The following NLRP4 variants were observed in gnomAD, a reference collection of about 807,000 sequenced individuals.
NLRP4 encodes NLR family pyrin domain containing 4.
NLRP4 carries 44 observed loss-of-function variants against 84.7 expected under a neutral mutation model. That is an observed-to-expected ratio of 0.52 (90% CI 0.41 to 0.67). The LOEUF (loss-of-function observed/expected upper bound fraction) is 0.67, where lower values mean the gene tolerates loss of function less well. Ranked by LOEUF, NLRP4 falls within the 30% of genes least tolerant of loss-of-function variation. NLRP4 has a pLI of 0.00. For missense variants in NLRP4, 1,260 were observed against 1,219.4 expected, an observed-to-expected ratio of 1.03 and a Z score of -0.50; for synonymous variants, 544 against 476.4, an observed-to-expected ratio of 1.14 and a Z score of -1.85.
intron 7 of NLRP4, among the ~76,000 whole-genome samples, chr19:55,871,470 G>A (rs6509967): frequency 0.06 from 9,200 of 152,254 alleles, 644 homozygotes; most frequent in African/African-American, 0.17. Context: ...GAGCCAGAAA[G>A]GAGATGGTGA....
chr19:55,858,872 A>G lies in NLRP4; in HGVS notation c.1479A>G (p.Arg493=), dbSNP rs1314015771. Reference sequence around the variant, plus strand: ...TTGCCAATTTTGAAAAAGCAAGGAGAGCACATTGGATTTTTTTGGGGTGTT... The same window carrying G: ...TTGCCAATTTTGAAAAAGCAAGGAGGGCACATTGGATTTTTTTGGGGTGTT... ...LLVANFEKAR[R]AHWIFLGCFL... Residue 493 remains arginine, a synonymous_variant, in exon 3 of 10, where the codon AGA becomes AGG. Transcript: ENST00000301295. The surrounding 1 kb of genome is among the most constrained non-coding windows in gnomAD (Gnocchi z 4.2). 3.1e-6 allele frequency: 5 copies of G among 1,614,044 alleles called. 1 individual carries two copies. Among genetic ancestry groups the G allele is most frequent in the Admixed American group, 1.7e-5 (1 of 60,006 alleles).
At chr19:55,844,563 A>G (rs914145756) in intron 1 of NLRP4, among the ~76,000 whole-genome samples, 1 of 152,182 alleles carries the variant, frequency 6.6e-6, no homozygotes, top group Non-Finnish European at 1.5e-5. Flanking sequence ...GGTGTGAGCT[A>G]CTGTGCCCGG....
chr19:55,843,395 T>C (rs1292633923), intron 1 of NLRP4, among the ~76,000 whole-genome samples: 1 of 152,052 alleles, frequency 6.6e-6, no homozygotes, highest in Non-Finnish European at 1.5e-5. Flanking sequence ...CATTGGTTAA[T>C]AGAAACATCC....
rs1449246475 is a variant in NLRP4, at chr19:55,878,310, C to G, written c.2697-484C>G. Among the ~76,000 whole-genome samples, 5 of 152,208 alleles carry G rather than the reference C, an allele frequency of 3.3e-5. No homozygotes were observed. In the East Asian group the frequency reaches 9.7e-4, roughly 29 times the overall value. ...TGGTGCATGCCTGTAGTCCCAGCTACTCAGGAGGCTGAGGCAGGAAAATTG... is the reference window on the plus strand; with the variant it reads ...TGGTGCATGCCTGTAGTCCCAGCTAGTCAGGAGGCTGAGGCAGGAAAATTG... On this transcript the variant is annotated intron_variant, in intron 8 of 9. Coordinates refer to ENST00000301295, the MANE Select transcript of NLRP4 (RefSeq NM_134444.5).
intron 1 of NLRP4, among the ~76,000 whole-genome samples, chr19:55,851,732 G>GGCTGCGGTGT (rs1568660191): frequency 6.7e-6 from 1 of 149,666 alleles, no homozygotes; most frequent in Non-Finnish European, 1.5e-5. Context: ...TGTAATTTCC[G>GGCTGCGGTGT]AAGCTGCGGT....
chr19:55,836,937 A>G lies in NLRP4; in HGVS notation c.-66+3A>G, dbSNP rs1307077138. ...TGGAGAACATAGACAGGGATGAGGT[A>G]AGGGGGGGGACTTCCCATGAAAGGT... On this transcript the variant is annotated splice_donor_region_variant and intron_variant, in intron 1 of 9. Transcript: ENST00000301295. 2.7e-5 allele frequency: 4 copies of G among 150,362 alleles called. No homozygotes were observed. The highest frequency in any genetic ancestry group is 2.6e-4 in the Admixed American group (4 of 15,138). The allele number at this position is 150,362 out of a possible 1,614,324, so 9.3% of individuals were successfully genotyped here.
At chr19:55,880,485 G>T (rs1985545537) in intron 9 of NLRP4, among the ~76,000 whole-genome samples, 1 of 152,144 alleles carries the variant, frequency 6.6e-6, no homozygotes, top group Non-Finnish European at 1.5e-5. Flanking sequence ...ATTTGGCATG[G>T]TAATTATGAA....
At chr19:55,846,130 T>C (rs1284987172) in intron 1 of NLRP4, among the ~76,000 whole-genome samples, 1 of 152,230 alleles carries the variant, frequency 6.6e-6, no homozygotes, top group Non-Finnish European at 1.5e-5. Context: ...GCCTAGGTTT[T>C]CTTCTAGGGT....
intron 7 of NLRP4, among the ~76,000 whole-genome samples, chr19:55,872,558 T>A: frequency 6.6e-6 from 1 of 152,184 alleles, no homozygotes; most frequent in African/African-American, 2.4e-5. Flanking sequence ...CTAGAAATTA[T>A]AAATATAATA....
At position 55,850,652 on chromosome 19, in the gene NLRP4, AGGCTGCGGTGTAATGTCCGT is replaced by A. The variant is rs1426273481; in HGVS notation, c.-65-1331_-65-1312del. On this transcript the variant is annotated intron_variant, in intron 1 of 9. Coordinates refer to ENST00000301295, the MANE Select transcript of NLRP4 (RefSeq NM_134444.5). ...GTCCGAGGCTGCGGTGTAATGTCCG[AGGCTGCGGTGTAATGTCCGT>A]GGCTGCGGTGTAATGTCCGTGGCTG... 6.7e-3 allele frequency among the ~76,000 whole-genome samples: 348 copies of A among 51,606 alleles called. 11 individuals carry two copies. The highest frequency in any genetic ancestry group is 0.016 in the Middle Eastern group (1 of 62). The allele number at this position is 51,606 out of a possible 152,430, so 33.9% of individuals were successfully genotyped here.
intron 2 of NLRP4, among the ~76,000 whole-genome samples, chr19:55,857,036 C>G (rs116534550): frequency 0.011 from 1,690 of 152,270 alleles, 32 homozygotes; most frequent in African/African-American, 0.039. Context: ...CTTGTTTATG[C>G]AAATTGAGTA....
chr19:55,839,508 TCA>T (rs1327381719), intron 1 of NLRP4, among the ~76,000 whole-genome samples: 2 of 150,534 alleles, frequency 1.3e-5, no homozygotes, highest in African/African-American at 4.9e-5. Flanking sequence ...TTTCAAAACT[TCA>T]CACACACAAA....
chr19:55,844,947 C>T (rs1983738246), intron 1 of NLRP4, among the ~76,000 whole-genome samples: 1 of 152,030 alleles, frequency 6.6e-6, no homozygotes, highest in South Asian at 2.1e-4. Context: ...AATCTGAATG[C>T]AGTCTTTCCC....
intron 5 of NLRP4, 134 bp from the exon 6 acceptor site, chr19:55,867,575 C>T: frequency 1.4e-6 from 1 of 722,436 alleles, no homozygotes; most frequent in Non-Finnish European, 2.3e-6. Context: ...TGACAGGGAT[C>T]AAGAACAGGG....
At chr19:55,853,449 G>A (rs1199670870) in intron 2 of NLRP4, among the ~76,000 whole-genome samples, 6 of 152,162 alleles carry the variant, frequency 3.9e-5, no homozygotes, top group East Asian at 3.9e-4. Context: ...GTGGAGTGCC[G>A]TGGCATCATC....
intron 7 of NLRP4, among the ~76,000 whole-genome samples, chr19:55,876,345 A>G (rs1265587204): frequency 6.6e-6 from 1 of 152,130 alleles, no homozygotes; most frequent in Non-Finnish European, 1.5e-5. Flanking sequence ...TTCCTAATGT[A>G]AAATGGCATA....
chr19:55,857,660 C>T lies in NLRP4; in HGVS notation c.281-14C>T, dbSNP rs753184545. The T allele has an allele frequency of 6.2e-7, 1 of 1,609,198 alleles. No individual in the cohort carries two copies. Among genetic ancestry groups the T allele is most frequent in the Non-Finnish European group, 8.5e-7 (1 of 1,178,810 alleles). On this transcript the variant is annotated splice_polypyrimidine_tract_variant and intron_variant, in intron 2 of 9. Coordinates refer to ENST00000301295, the MANE Select transcript of NLRP4 (RefSeq NM_134444.5). ...CTTTGTGGGTTTTCTCTCCTCTTGC[C>T]CTCACTGACTCAGGATACACAAAGA... is the stretch of plus-strand genomic sequence containing the variant.
At chr19:55,874,803 C>A (rs1351588395) in intron 7 of NLRP4, among the ~76,000 whole-genome samples, 1 of 152,072 alleles carries the variant, frequency 6.6e-6, no homozygotes, top group Non-Finnish European at 1.5e-5. Flanking sequence ...GTAATATAAT[C>A]CTTACAATTT....
rs1568658059 is a variant in NLRP4, at chr19:55,849,911, G to GTGGCAGCGGTGTAATGTCCA, written c.-65-2104_-65-2103insGGCAGCGGTGTAATGTCCAT. ...TTCCGTGGCCGGCGGTGTAATTTCC[G>GTGGCAGCGGTGTAATGTCCA]TAGCCGCGGTGTAATTTCCGTAGCC... is the stretch of plus-strand genomic sequence containing the variant. On this transcript the variant is annotated intron_variant, in intron 1 of 9. Coordinates refer to ENST00000301295, the MANE Select transcript of NLRP4 (RefSeq NM_134444.5). Among the ~76,000 whole-genome samples, 134 of 135,564 alleles carry GTGGCAGCGGTGTAATGTCCA rather than the reference G, an allele frequency of 9.9e-4. 8 individuals are homozygous for GTGGCAGCGGTGTAATGTCCA. In the South Asian group the frequency reaches 0.022, roughly 22 times the overall value. The allele number at this position is 135,564 out of a possible 152,430, so 88.9% of individuals were successfully genotyped here.
Sources: allele counts gnomAD v4.1 joint callset (sites outside exome capture counted in the v4.1 genomes callset), GRCh38; gene constraint gnomAD v4.1.1; non-coding constraint Gnocchi (gnomAD v3.1); transcripts MANE v1.5; gene names NCBI Gene and HGNC (gene_info 2026-07-23, HGNC 2026-07-21).